ELF2: variants seen among roughly 807,000 people sequenced by gnomAD.
The protein encoded by ELF2 is E74 like ETS transcription factor 2.
In ELF2, 11 loss-of-function variants were observed where a neutral mutation model predicts 54.8. The ratio of observed to expected loss-of-function variants is 0.20; its 90% confidence interval spans 0.13 to 0.33. The LOEUF is 0.33. Among genes scored for constraint, ELF2 ranks in the 10% least tolerant of loss-of-function variants. ELF2 has a pLI of 1.00. For missense variants in ELF2, 513 were observed against 703.0 expected, an observed-to-expected ratio of 0.73 and a Z score of 3.06; for synonymous variants, 203 against 245.1, an observed-to-expected ratio of 0.83 and a Z score of 1.61.
At chr4:139,169,929 A>G (rs892304088) in intron 1 of ELF2, among the ~76,000 whole-genome samples, 3 of 151,610 alleles carry the variant, frequency 2.0e-5, no homozygotes, top group African/African-American at 4.8e-5. Context: ...TACGGTATGC[A>G]TATTCCCATT....
At chr4:139,123,339 CA>C (rs1199032233) in intron 4 of ELF2, among the ~76,000 whole-genome samples, 2 of 151,516 alleles carry the variant, frequency 1.3e-5, no homozygotes, top group East Asian at 3.9e-4. Flanking sequence ...AAACCACTTA[CA>C]AAAAAAACAA....
Position 139,167,875 on chromosome 4 carries a change from G to A in ELF2, c.-252+9092C>T, listed in dbSNP as rs1741881310. ...CCGCACTGTAGACAGGTTTTCCCAA[G>A]ATAATTGAACAAGGGGAGACTCTTA... On this transcript the variant is annotated intron_variant, in intron 1 of 9. Coordinates refer to ENST00000686138, the MANE Select transcript of ELF2 (RefSeq NM_001331036.3). 2.0e-5 allele frequency among the ~76,000 whole-genome samples: 3 copies of A among 152,210 alleles called. No homozygotes were observed. The South Asian group carries it at 6.2e-4, about 32-fold the overall frequency.
chr4:139,134,530 T>C (rs1009104560), intron 3 of ELF2, among the ~76,000 whole-genome samples: 2 of 146,442 alleles, frequency 1.4e-5, no homozygotes, highest in Non-Finnish European at 3.0e-5. Context: ...CTAGTATTTA[T>C]TGTATTGTAT....
chr4:139,061,586 AT>A (rs1001402599), intron 8 of ELF2, among the ~76,000 whole-genome samples: 7 of 151,748 alleles, frequency 4.6e-5, no homozygotes, highest in African/African-American at 1.7e-4. Flanking sequence ...TTTAGGTTTA[AT>A]TTTTTTTTAA....
intron 1 of ELF2, among the ~76,000 whole-genome samples, chr4:139,147,110 A>T (rs905309652): frequency 6.6e-6 from 1 of 152,200 alleles, no homozygotes; most frequent in Non-Finnish European, 1.5e-5. Context: ...AACCCACAGA[A>T]TGGGAGAAAA....
intron 1 of ELF2, among the ~76,000 whole-genome samples, chr4:139,164,404 G>C (rs1056321602): frequency 1.3e-5 from 2 of 152,220 alleles, no homozygotes; most frequent in African/African-American, 4.8e-5. Context: ...GGGAGGCGGA[G>C]GCGGGTGGAT....
intron 4 of ELF2, among the ~76,000 whole-genome samples, chr4:139,100,888 A>G (rs1044179448): frequency 6.6e-6 from 1 of 152,136 alleles, no homozygotes; most frequent in African/African-American, 2.4e-5. Flanking sequence ...GCAATAATGA[A>G]AACAGGCTGA....
At chr4:139,099,864 A>G (rs1733690650) in intron 4 of ELF2, among the ~76,000 whole-genome samples, 1 of 152,266 alleles carries the variant, frequency 6.6e-6, no homozygotes, top group African/African-American at 2.4e-5. Flanking sequence ...AGATTTAAGA[A>G]TATCAGCCAA....
chr4:139,137,804 AAT>A lies in ELF2; in HGVS notation c.-105_-104del. The A allele has an allele frequency of 3.4e-5, 52 of 1,522,494 alleles. No homozygotes were observed. The highest frequency in any genetic ancestry group is 4.4e-5 in the Non-Finnish European group (50 of 1,136,640). The allele number at this position is 1,522,494 out of a possible 1,614,324, so 94.3% of individuals were successfully genotyped here. On this transcript the variant is annotated 5_prime_UTR_variant, in exon 3 of 10. It removes the in-frame stop codon of an upstream open reading frame in the 5' UTR. Coordinates refer to ENST00000686138, the MANE Select transcript of ELF2 (RefSeq NM_001331036.3). ...TTTGCATTATCATGTTTTAAAAGTC[AAT>A]AGAGATGGAGTGGAGTAGATATCCA...
intron 1 of ELF2, among the ~76,000 whole-genome samples, chr4:139,153,143 G>C (rs1287253230): frequency 6.6e-6 from 1 of 152,008 alleles, no homozygotes; most frequent in Non-Finnish European, 1.5e-5. Context: ...ATAATAAAAT[G>C]AGAAGAAAAG....
chr4:139,084,148 G>A, intron 4 of ELF2: 2 of 1,613,610 alleles, frequency 1.2e-6, no homozygotes, highest in South Asian at 1.1e-5. Context: ...CGGATGAGCA[G>A]ATCCAGCTGG....
At chr4:139,163,973 AAAGGAAAGGAAAGAAAG>A (rs1337281635) in intron 1 of ELF2, among the ~76,000 whole-genome samples, 1 of 150,394 alleles carries the variant, frequency 6.6e-6, no homozygotes, top group Admixed American at 6.7e-5. Context: ...GAAAGAAAGG[AAAGGAAAGGAAAGAAAG>A]AAGGAAAGGA....
chr4:139,170,699 C>G (rs1742208549), intron 1 of ELF2, among the ~76,000 whole-genome samples: 1 of 136,778 alleles, frequency 7.3e-6, no homozygotes, highest in South Asian at 2.3e-4. Context: ...GTCAAACAAC[C>G]CAATTATATT....
At chr4:139,153,198 G>A (rs1391516347) in intron 1 of ELF2, among the ~76,000 whole-genome samples, 1 of 152,098 alleles carries the variant, frequency 6.6e-6, no homozygotes, top group Non-Finnish European at 1.5e-5. Flanking sequence ...ACTTTAGGAG[G>A]TCAAGGAAGG....
At chr4:139,110,501 T>A (rs114429203) in intron 4 of ELF2, among the ~76,000 whole-genome samples, 70 of 152,326 alleles carry the variant, frequency 4.6e-4, no homozygotes, top group African/African-American at 1.6e-3. Flanking sequence ...TAGACAATCA[T>A]ATTTTTTCAT....
At chr4:139,168,650 C>A (rs1741953126) in intron 1 of ELF2, among the ~76,000 whole-genome samples, 1 of 152,206 alleles carries the variant, frequency 6.6e-6, no homozygotes, top group African/African-American at 2.4e-5. Context: ...CAACCCAGGA[C>A]AGGTCCATCC....
rs542705060 is a variant in ELF2 at position 139,121,359 on chromosome 4, T to C, written c.238+3805A>G. Among the ~76,000 whole-genome samples the C allele has an allele frequency of 5.0e-3, 755 of 151,972 alleles. 5 individuals are homozygous for C. Among genetic ancestry groups the C allele is most frequent in the Middle Eastern group, 0.014 (4 of 294 alleles). ...TCCTGACCTCGTGATTCACCCGCCT[T>C]GGCCTCCGAAAGTGCTGGGATTACA... On this transcript the variant is annotated intron_variant, in intron 4 of 9. Transcript: ENST00000686138.
At chr4:139,152,480 C>T (rs187961654) in intron 1 of ELF2, among the ~76,000 whole-genome samples, 1 of 152,086 alleles carries the variant, frequency 6.6e-6, no homozygotes, top group East Asian at 1.9e-4. Context: ...CACAGGCATA[C>T]ACCACCATGC....
rs550674837 is a variant in ELF2, at chr4:139,115,084, A to G, written c.238+10080T>C. The G allele has an allele frequency of 1.1e-4, 178 of 1,613,714 alleles. No homozygotes were observed. The African/African-American group carries it at 2.1e-3, about 19-fold the overall frequency. ...ACTCTCCATGTCCAGGAGCTCATCC[A>G]CGTCAATCTCCAGTTCTGGGATCTC... On this transcript the variant is annotated intron_variant, in intron 4 of 9. Transcript: ENST00000686138.
Sources: allele counts gnomAD v4.1 joint callset (sites outside exome capture counted in the v4.1 genomes callset), GRCh38; gene constraint gnomAD v4.1.1; transcripts MANE v1.5; gene names NCBI Gene and HGNC (gene_info 2026-07-23, HGNC 2026-07-21).